The following AXIN1 variants were observed in gnomAD, a reference collection of about 807,000 sequenced individuals.
AXIN1 encodes the protein axin-1.
AXIN1 carries 30 observed loss-of-function variants against 76.4 expected under a neutral mutation model. That is an observed-to-expected ratio of 0.39 (90% CI 0.29 to 0.53). The LOEUF (loss-of-function observed/expected upper bound fraction) is 0.53. Ranked by LOEUF, AXIN1 falls within the 20% of genes least tolerant of loss-of-function variation. The pLI is 0.66. For synonymous variants in AXIN1, 545 were observed against 501.4 expected, an observed-to-expected ratio of 1.09 and a Z score of -1.16; for missense variants, 1,140 against 1,198.8, an observed-to-expected ratio of 0.95 and a Z score of 0.72.
intron 2 of AXIN1, among the ~76,000 whole-genome samples, chr16:323,459 A>G (rs1285253288): frequency 6.8e-6 from 1 of 146,596 alleles, no homozygotes; most frequent in Non-Finnish European, 1.5e-5. Context: ...AAAAAGAAAG[A>G]AAAAAAGCCA....
chr16:299,027 A>G (rs2052795987), intron 5 of AXIN1: 1 of 968,062 alleles, frequency 1.0e-6, no homozygotes, highest in Non-Finnish European at 1.2e-6. Context: ...TCGGCCTCCC[A>G]AAGTGTTGGG....
At chr16:337,712 C>T (rs2053835482) in intron 2 of AXIN1, among the ~76,000 whole-genome samples, 1 of 152,238 alleles carries the variant, frequency 6.6e-6, no homozygotes, top group African/African-American at 2.4e-5. Context: ...CAACGGATCA[C>T]AAAGGAAGCC....
At chr16:306,714 T>C (rs1299018862) in intron 4 of AXIN1, among the ~76,000 whole-genome samples, 6 of 152,130 alleles carry the variant, frequency 3.9e-5, no homozygotes, top group African/African-American at 9.7e-5. Context: ...ACGTGGAGTA[T>C]GAAGGGGCCA....
chr16:306,601 G>A (rs2053033488), intron 4 of AXIN1, among the ~76,000 whole-genome samples: 1 of 152,218 alleles, frequency 6.6e-6, no homozygotes, highest in Non-Finnish European at 1.5e-5. Flanking sequence ...GGTGAGACTG[G>A]ACACAGGGGC....
At chr16:341,578 T>C (rs988190465) in intron 2 of AXIN1, among the ~76,000 whole-genome samples, 1 of 152,138 alleles carries the variant, frequency 6.6e-6, no homozygotes, top group Admixed American at 6.5e-5. Flanking sequence ...GGACCGAGTC[T>C]CCCCGACGAG....
chr16:321,092 C>T (rs1161396342), intron 2 of AXIN1, among the ~76,000 whole-genome samples: 1 of 152,176 alleles, frequency 6.6e-6, no homozygotes, highest in Non-Finnish European at 1.5e-5. Flanking sequence ...CCACCCAGAA[C>T]ATGGGAAGAG....
chr16:289,675 C>A, intron 9 of AXIN1, 68 bp from the exon 10 acceptor site: 2 of 1,588,326 alleles, frequency 1.3e-6, no homozygotes, highest in African/African-American at 1.3e-5. Flanking sequence ...CTCCTGCTGG[C>A]CTCAGGCTGC....
chr16:349,104 A>AAAAAC (rs1555488186), intron 1 of AXIN1, among the ~76,000 whole-genome samples: 1 of 149,732 alleles, frequency 6.7e-6, no homozygotes, highest in African/African-American at 2.5e-5. Flanking sequence ...TCTGTCTCAA[A>AAAAAC]AAAATAAAAT....
intron 2 of AXIN1, among the ~76,000 whole-genome samples, chr16:345,786 A>G (rs2054021498): frequency 6.6e-6 from 1 of 151,770 alleles, no homozygotes; most frequent in Admixed American, 6.6e-5. Context: ...TCCTCCCTTT[A>G]TTAAGCGGAA....
At chr16:315,833 A>G (rs1328158210) in intron 2 of AXIN1, among the ~76,000 whole-genome samples, 1 of 124,504 alleles carries the variant, frequency 8.0e-6, no homozygotes, top group Admixed American at 7.6e-5. Flanking sequence ...GTCTCAAAAG[A>G]AAAAAAAAAA....
intron 2 of AXIN1, among the ~76,000 whole-genome samples, chr16:340,927 G>C (rs1379950200): frequency 6.6e-6 from 1 of 152,274 alleles, no homozygotes; most frequent in African/African-American, 2.4e-5. Context: ...TCCCACAGGG[G>C]AACTGGATGC....
rs924338351 is a variant in AXIN1, at chr16:335,417, C to A, written c.878+10731G>T. Among the ~76,000 whole-genome samples, 17 of 152,120 alleles carry A rather than the reference C, an allele frequency of 1.1e-4. No individual in the cohort carries two copies. The East Asian group carries it at 1.9e-3, about 17-fold the overall frequency. On this transcript the variant is annotated intron_variant, in intron 2 of 10. Transcript: ENST00000262320. ...CCAGTATCATGGCACGCTAATTACA[C>A]AGCACCCAGTACCACGGCACACTAA... is the stretch of plus-strand genomic sequence containing the variant.
chr16:352,368 C>A lies in AXIN1; in HGVS notation c.-82+1G>T. 1 of 980,414 alleles carries A rather than the reference C, an allele frequency of 1.0e-6. No homozygotes were observed. The highest frequency in any genetic ancestry group is 1.1e-4 in the East Asian group (1 of 8,746). 60.7% of individuals were successfully genotyped at this position (980,414 alleles called of 1,614,324 possible). On this transcript the variant is annotated splice_donor_variant, in intron 1 of 10. Transcript: ENST00000262320. LOFTEE classifies it low-confidence loss of function (5UTR_SPLICE). The stretch of plus-strand genomic sequence containing the variant: ...CCGCCCCGGAGCCCGGCCCTACTCA[C>A]CCGCGCGCGGTGGTGGCGGGACCCC...
chr16:344,754 GC>G (rs2054001277), intron 2 of AXIN1, among the ~76,000 whole-genome samples: 1 of 152,180 alleles, frequency 6.6e-6, no homozygotes, highest in Non-Finnish European at 1.5e-5. Context: ...CTCCCAAAGT[GC>G]TGGGATTACA....
At position 297,861 on chromosome 16, in the gene AXIN1, G is replaced by C. The variant is rs2141510552; in HGVS notation, c.1645C>G (p.Gln549Glu). ...VHHSTARPKE[Q>E]VEAEATRRAQ... ...CTGCGGGTGGCCTCGGCCTCCACCT[G>C]CTCCTTGGGCCGGGCTGTGCTGTGG... is the stretch of plus-strand genomic sequence containing the variant. The change falls in exon 6 of 11, where the codon CAG becomes GAG. Residue 549 changes from glutamine to glutamate, a missense_variant. This residue lies in a region of AXIN1 where 708 missense variants were observed against 776.9 expected (regional missense o/e 0.91). Transcript: ENST00000262320. 1.3e-6 allele frequency: 2 copies of C among 1,582,478 alleles called. No homozygotes were observed. Among genetic ancestry groups the C allele is most frequent in the Non-Finnish European group, 1.7e-6 (2 of 1,163,070 alleles).
chr16:291,028 G>A (rs2052542783), intron 9 of AXIN1, 162 bp downstream of exon 9: 2 of 705,042 alleles, frequency 2.8e-6, no homozygotes, highest in Admixed American at 4.1e-5. Flanking sequence ...AAGGCTCTCG[G>A]GCAGCTTCGA....
intron 2 of AXIN1, among the ~76,000 whole-genome samples, chr16:326,394 T>TATATATATATATATATATATACACACAC (rs144093618): frequency 4.2e-5 from 5 of 119,670 alleles, no homozygotes; most frequent in African/African-American, 1.8e-4. Context: ...TATATATATA[T>TATATATATATATATATATATACACACAC]ACACACCTAT....
chr16:311,955 A>G (rs915020899), intron 3 of AXIN1, among the ~76,000 whole-genome samples: 1 of 152,178 alleles, frequency 6.6e-6, no homozygotes, highest in Non-Finnish European at 1.5e-5. Flanking sequence ...TCACAGCACC[A>G]CTGAGTGTTG....
intron 9 of AXIN1, chr16:289,942 C>T (rs1752748199): frequency 2.2e-6 from 1 of 457,242 alleles, no homozygotes; most frequent in South Asian, 2.2e-5. Flanking sequence ...CTCAGGAAGA[C>T]CTACGGCCCC....
Sources: gnomAD v4.1 joint callset for allele counts (sites outside exome capture counted in the v4.1 genomes callset) on GRCh38, gnomAD v4.1.1 for gene constraint, gnomAD v4.1.1 regional missense constraint, MANE v1.5 for transcripts, NCBI Gene and HGNC (gene_info 2026-07-23, HGNC 2026-07-21) for gene names.